CENPF: variants seen among roughly 807,000 people sequenced by gnomAD.
CENPF encodes AH antigen.
CENPF carries 214 observed loss-of-function variants against 307.3 expected under a neutral mutation model. The ratio of observed to expected loss-of-function variants is 0.70; its 90% CI spans 0.62 to 0.78. The LOEUF is 0.78. Among genes scored for constraint, CENPF ranks in the 30% least tolerant of loss-of-function variants. The pLI is 0.00. For synonymous variants in CENPF, 1,259 were observed against 1,270.6 expected (o/e 0.99, Z 0.19); for missense variants, 3,401 against 3,483.9 (o/e 0.98, Z 0.60).
intron 1 of CENPF, among the ~76,000 whole-genome samples, chr1:214,611,084 C>T (rs1027217808): frequency 6.6e-6 from 1 of 152,014 alleles, no homozygotes; most frequent in African/African-American, 2.4e-5. Context: ...TTACTGTAGC[C>T]CTGTAGTATA....
chr1:214,658,998 AC>A lies in CENPF; in HGVS notation c.9113del (p.Pro3038GlnfsTer19). ...GKENLAESSK[P>X]TAGGSRSQKV... ...AAGAAAATCTTGCAGAGTCCTCCAAACCAACAGCTGGTGGCAGCAGATCACA... is the reference window on the plus strand; with the variant it reads ...AAGAAAATCTTGCAGAGTCCTCCAAACAACAGCTGGTGGCAGCAGATCACA... On this transcript the variant is annotated frameshift_variant, in exon 19 of 20. Transcript: ENST00000366955. LOFTEE classifies it low-confidence loss of function (END_TRUNC). 6.2e-7 allele frequency: 1 copy of A among 1,614,076 alleles called. No individual in the cohort carries two copies. Among genetic ancestry groups the A allele is most frequent in the Non-Finnish European group, 8.5e-7 (1 of 1,179,980 alleles).
intron 7 of CENPF, among the ~76,000 whole-genome samples, chr1:214,622,939 C>T (rs1657557192): frequency 6.6e-6 from 1 of 152,134 alleles, no homozygotes; most frequent in Non-Finnish European, 1.5e-5. Context: ...AGGCCGGGCA[C>T]CTGTGGTTTA....
intron 7 of CENPF, among the ~76,000 whole-genome samples, chr1:214,627,419 G>A (rs1456390434): frequency 7.2e-6 from 1 of 137,964 alleles, no homozygotes; most frequent in East Asian, 2.1e-4. Flanking sequence ...TGCTGCCCAG[G>A]CTTGAGTGCA....
At chr1:214,660,278 T>A (rs1240432095) in intron 19 of CENPF, among the ~76,000 whole-genome samples, 4 of 152,212 alleles carry the variant, frequency 2.6e-5, no homozygotes, top group African/African-American at 9.6e-5. Flanking sequence ...AGATTTTCTT[T>A]CACTAAAGTG....
Position 214,651,883 on chromosome 1 carries a change from A to G in CENPF, c.8157A>G (p.Lys2719=). ...KHQALLLDTN[K]QYEVEIQTYR... ...AGGCTTTGCTTTTGGACACAAACAA[A>G]CAGGTGAAATGTGGGGTTTGGTTAC... is the stretch of plus-strand genomic sequence containing the variant. Residue 2719 remains lysine, a synonymous_variant, in exon 15 of 20, where the codon AAA becomes AAG. Transcript: ENST00000366955. The G allele has an allele frequency of 1.2e-6, 2 of 1,602,940 alleles. No homozygotes were observed. Among genetic ancestry groups the G allele is most frequent in the Non-Finnish European group, 1.7e-6 (2 of 1,176,452 alleles).
intron 11 of CENPF, 94 bp downstream of exon 11, chr1:214,638,095 A>G: frequency 8.0e-7 from 1 of 1,250,868 alleles, no homozygotes; most frequent in Non-Finnish European, 1.1e-6. Context: ...AACTCTTTGG[A>G]TTTTTTTTCA....
At chr1:214,661,302 A>G (rs1243974522) in intron 19 of CENPF, among the ~76,000 whole-genome samples, 1 of 152,212 alleles carries the variant, frequency 6.6e-6, no homozygotes, top group African/African-American at 2.4e-5. Flanking sequence ...AAACTCTTCA[A>G]AACCTAGCCC....
rs760713786 is a variant in CENPF at position 214,645,933 on chromosome 1, C to T, written c.6363C>T (p.Ile2121=). 5.0e-6 allele frequency: 8 copies of T among 1,613,946 alleles called. No individual in the cohort carries two copies. Among genetic ancestry groups the T allele is most frequent in the East Asian group, 2.2e-5 (1 of 44,878 alleles). The part of the protein sequence containing the change: ...QEEVHQLRRG[I]EKLRVRIEAD... ...AAGTGCATCAGCTGAGAAGAGGCAT[C>T]GAGAAACTGAGAGTTCGCATTGAGG... Residue 2121 remains isoleucine (I), a synonymous_variant, in exon 13 of 20, where the codon ATC becomes ATT. Transcript: ENST00000366955.
chr1:214,612,539 G>A (rs1657227811), intron 1 of CENPF, among the ~76,000 whole-genome samples: 1 of 152,124 alleles, frequency 6.6e-6, no homozygotes, highest in Admixed American at 6.5e-5. Flanking sequence ...CAGGGGTACA[G>A]ACAAAGTACC....
chr1:214,612,993 G>A, intron 1 of CENPF: 2 of 324,286 alleles, frequency 6.2e-6, no homozygotes, highest in Non-Finnish European at 1.2e-5. Flanking sequence ...GGCAGCTGAA[G>A]GAGTGTCACA....
At chr1:214,637,091 G>A (rs549061652) in intron 10 of CENPF, among the ~76,000 whole-genome samples, 6 of 152,196 alleles carry the variant, frequency 3.9e-5, no homozygotes, top group Admixed American at 6.5e-5. Context: ...ATGCTGTTGC[G>A]TGGATGTCTC....
chr1:214,645,648 G>A lies in CENPF; in HGVS notation c.6078G>A (p.Leu2026=), dbSNP rs146606492. Residue 2026 remains leucine (L), a synonymous_variant, in exon 13 of 20, where the codon CTG becomes CTA. Transcript: ENST00000366955. ...CTTTGTCCTCTGATGTGAGTGAGCTGTTAAAAGACAAAACTCATCTCCAGG... is the reference window on the plus strand; with the variant it reads ...CTTTGTCCTCTGATGTGAGTGAGCTATTAAAAGACAAAACTCATCTCCAGG... ...LQTLSSDVSE[L]LKDKTHLQEK... is the part of the protein sequence containing the mutation. The A allele has an allele frequency of 5.8e-5, 93 of 1,614,020 alleles. No homozygotes were observed. The highest frequency in any genetic ancestry group is 7.6e-5 in the Non-Finnish European group (90 of 1,180,008).
chr1:214,641,979 A>C lies in CENPF; in HGVS notation c.3641A>C (p.Glu1214Ala). Residue 1214 changes from glutamate to alanine, a missense_variant, in exon 12 of 20, where the codon GAA (glutamate) becomes GCA (alanine). Physicochemically the swap from Glu to Ala is moderately radical, Grantham distance 107. Transcript: ENST00000366955. ...DSYNAQLVQLEAMLRNKELKL... is the reference protein window; with the variant it reads ...DSYNAQLVQLAAMLRNKELKL... ...TATAATGCGCAGTTGGTGCAATTAG[A>C]AGCTATGCTAAGAAATAAGGAATTA... 6.2e-7 allele frequency: 1 copy of C among 1,606,728 alleles called. No homozygotes were observed. The highest frequency in any genetic ancestry group is 8.5e-7 in the Non-Finnish European group (1 of 1,178,168).
chr1:214,641,924 C>A lies in CENPF; in HGVS notation c.3586C>A (p.Leu1196Ile). ...ATGTAATTTTAAACCTCAGATGGAT[C>A]TTGAAGTTAAAGAAATTTCTCTAGA... is the stretch of plus-strand genomic sequence containing the variant. ...NQCNFKPQMD[L>I]EVKEISLDSY... Residue 1196 changes from leucine to isoleucine, a missense_variant, in exon 12 of 20, where the codon CTT becomes ATT. Transcript: ENST00000366955. 6.3e-7 allele frequency: 1 copy of A among 1,588,662 alleles called. No individual in the cohort carries two copies. The highest frequency in any genetic ancestry group is 8.5e-7 in the Non-Finnish European group (1 of 1,172,040).
intron 1 of CENPF, among the ~76,000 whole-genome samples, chr1:214,609,025 C>T (rs1025061723): frequency 6.6e-6 from 1 of 151,726 alleles, no homozygotes; most frequent in South Asian, 2.1e-4. Flanking sequence ...CGGTCCAAGC[C>T]GAGCCCCAGG....
chr1:214,609,530 T>C lies in CENPF; in HGVS notation c.-41-4184T>C, dbSNP rs185708823. Among the ~76,000 whole-genome samples the C allele has an allele frequency of 1.6e-3, 238 of 152,204 alleles. 1 individual carries two copies. Among genetic ancestry groups the C allele is most frequent in the Non-Finnish European group, 2.3e-3 (158 of 68,008 alleles). ...TATGCAGAATATCTTGTCATGCATT[T>C]TCTTTGTTTATAGGACCTATTTCAC... On this transcript the variant is annotated intron_variant, in intron 1 of 19. Coordinates refer to ENST00000366955, the MANE Select transcript of CENPF (RefSeq NM_016343.4).
chr1:214,635,179 A>C, intron 10 of CENPF, among the ~76,000 whole-genome samples: 1 of 152,254 alleles, frequency 6.6e-6, no homozygotes, highest in East Asian at 1.9e-4. Context: ...CTGGCAAGCA[A>C]GAGAGATGAG....
In CENPF at chr1:214,644,576, A is replaced by G; in HGVS notation, c.5006A>G (p.Glu1669Gly). ...DTEDAIQGRN[E>G]SCDISKEHTS... ...TTACAGGCTATTCAAGGCCGAAATG[A>G]GAGCTGTGACATATCAAAAGAACAT... Residue 1669 changes from glutamate to glycine, a missense_variant, in exon 13 of 20, where the codon GAG becomes GGG. By Grantham distance (98) the Glu-to-Gly change is moderately conservative. Coordinates refer to ENST00000366955, the MANE Select transcript of CENPF (RefSeq NM_016343.4). 1 of 1,595,870 alleles carries G rather than the reference A, an allele frequency of 6.3e-7. No homozygotes were observed. The highest frequency in any genetic ancestry group is 8.5e-7 in the Non-Finnish European group (1 of 1,170,858).
chr1:214,605,653 G>A (rs1657004378), intron 1 of CENPF: 2 of 1,552,344 alleles, frequency 1.3e-6, no homozygotes, highest in African/African-American at 2.7e-5. Flanking sequence ...TATTGCTGAG[G>A]TCTGGCCGGT....
Sources: allele counts gnomAD v4.1 joint callset (sites outside exome capture counted in the v4.1 genomes callset), GRCh38; gene constraint gnomAD v4.1.1; transcripts MANE v1.5; gene names NCBI Gene and HGNC (gene_info 2026-07-23, HGNC 2026-07-21).